The following RNF216 variants were observed in gnomAD, a reference collection of about 807,000 sequenced individuals.
RNF216 encodes ring finger protein 216, also known as E3 ubiquitin-protein ligase RNF216.
Under a neutral mutation model 110.8 loss-of-function variants are expected in RNF216, and 72 were observed. That is an observed-to-expected ratio of 0.65 (90% CI 0.54 to 0.79). The LOEUF (loss-of-function observed/expected upper bound fraction) is 0.79. Among genes scored for constraint, RNF216 ranks in the 30% least tolerant of loss-of-function variants. The probability of loss-of-function intolerance (pLI) is 0.00; values close to 1 mark genes in which losing one functional copy is unlikely to be tolerated. For missense variants in RNF216, 1,342 were observed against 1,141.2 expected (o/e 1.18, Z -2.54); for synonymous variants, 495 against 407.5 (o/e 1.21, Z -2.59).
chr7:5,652,339 C>A, intron 14 of RNF216, 74 bp downstream of exon 14: 2 of 1,053,030 alleles, frequency 1.9e-6, no homozygotes, highest in Non-Finnish European at 3.0e-6. Context: ...CAACAGTATG[C>A]CCTCTCTACC....
intron 13 of RNF216, chr7:5,666,539 C>T (rs1789537166): frequency 6.6e-6 from 1 of 152,220 alleles, no homozygotes; most frequent in African/African-American, 2.4e-5. Flanking sequence ...GGCCTGAGCC[C>T]AGAGTAAACA....
intron 3 of RNF216, among the ~76,000 whole-genome samples, chr7:5,749,977 T>C (rs1038140666): frequency 6.6e-6 from 1 of 152,210 alleles, no homozygotes; most frequent in Non-Finnish European, 1.5e-5. Context: ...TTATAGCTTA[T>C]AGCAATTTGG....
intron 15 of RNF216, among the ~76,000 whole-genome samples, chr7:5,632,291 C>A (rs952120758): frequency 6.6e-6 from 1 of 152,220 alleles, no homozygotes; most frequent in African/African-American, 2.4e-5. Flanking sequence ...AGTCTCTGTG[C>A]CTCATCCTTG....
intron 1 of RNF216, among the ~76,000 whole-genome samples, chr7:5,776,594 C>CAAACAAA (rs1796789795): frequency 1.6e-5 from 1 of 62,466 alleles, no homozygotes. Flanking sequence ...GACTCCGTCT[C>CAAACAAA]AAAAAAAAAA....
chr7:5,764,843 A>T (rs1056736261), intron 1 of RNF216, among the ~76,000 whole-genome samples: 1 of 151,848 alleles, frequency 6.6e-6, no homozygotes, highest in African/African-American at 2.4e-5. Flanking sequence ...AAAGCGGGAC[A>T]ATCACTGGAG....
intron 15 of RNF216, among the ~76,000 whole-genome samples, chr7:5,629,174 G>C (rs1452463756): frequency 1.4e-5 from 2 of 144,390 alleles, no homozygotes; most frequent in Non-Finnish European, 3.0e-5. Context: ...CAGCTTGGGT[G>C]ACAGAGCAAG....
chr7:5,762,979 AT>A (rs1250653440), intron 1 of RNF216, among the ~76,000 whole-genome samples: 2 of 152,228 alleles, frequency 1.3e-5, no homozygotes, highest in East Asian at 3.9e-4. Flanking sequence ...AAGCCAAGAC[AT>A]TACATCTCCA....
At chr7:5,678,961 A>C (rs1790483187) in intron 13 of RNF216, among the ~76,000 whole-genome samples, 1 of 152,234 alleles carries the variant, frequency 6.6e-6, no homozygotes, top group Non-Finnish European at 1.5e-5. Context: ...CAGGGACTAG[A>C]AATGGCCTCA....
At chr7:5,762,281 G>C (rs1446093356) in intron 1 of RNF216, among the ~76,000 whole-genome samples, 1 of 152,060 alleles carries the variant, frequency 6.6e-6, no homozygotes, top group Non-Finnish European at 1.5e-5. Flanking sequence ...CCAGCTCTTA[G>C]GGAGGCTGAG....
rs181414224 is a variant in RNF216, at chr7:5,621,816, G to A, written c.*1044C>T. The A allele has an allele frequency of 4.6e-5, 7 of 153,028 alleles. No individual in the cohort carries two copies. The highest frequency in any genetic ancestry group is 1.2e-4 in the African/African-American group (5 of 41,594). The allele number at this position is 153,028 out of a possible 1,614,324, so 9.5% of individuals were successfully genotyped here. Reference sequence around the variant, plus strand: ...CAGGGCCGGACAGGAGGCGAGGAGGGTGAGTGGGGACATGGCAGGGCTGAG... The same window carrying A: ...CAGGGCCGGACAGGAGGCGAGGAGGATGAGTGGGGACATGGCAGGGCTGAG... On this transcript the variant is annotated 3_prime_UTR_variant, in exon 17 of 17. Coordinates refer to ENST00000389902, the MANE Select transcript of RNF216 (RefSeq NM_207111.4).
intron 1 of RNF216, among the ~76,000 whole-genome samples, chr7:5,771,743 G>C (rs1049829146): frequency 6.6e-6 from 1 of 152,140 alleles, no homozygotes. Context: ...GTTGCAGTAG[G>C]CTGTGATCCC....
intron 3 of RNF216, among the ~76,000 whole-genome samples, chr7:5,751,624 G>A (rs1009736467): frequency 3.0e-4 from 46 of 152,140 alleles, no homozygotes; most frequent in African/African-American, 1.1e-3. Context: ...TAACTCATCA[G>A]TTATTTTTCT....
At chr7:5,776,993 AGAGC>A (rs957714791) in intron 1 of RNF216, among the ~76,000 whole-genome samples, 1 of 152,074 alleles carries the variant, frequency 6.6e-6, no homozygotes, top group African/African-American at 2.4e-5. Context: ...AGGAAGAGAA[AGAGC>A]GAGTGAGCAC....
In RNF216 at chr7:5,723,655, AAAAT is replaced by A. The variant is rs567630421; in HGVS notation, c.1504+1665_1504+1668del. Among the ~76,000 whole-genome samples the A allele has an allele frequency of 8.6e-5, 13 of 151,994 alleles. 1 individual carries two copies. Among genetic ancestry groups the A allele is most frequent in the Admixed American group, 2.6e-4 (4 of 15,256 alleles). On this transcript the variant is annotated intron_variant, in intron 8 of 16. Transcript: ENST00000389902. ...GAGCAAGACTCCGTCTCAAAAAAAA[AAAAT>A]AAATAAATAAATGCAATTAAGTCTA...
intron 1 of RNF216, among the ~76,000 whole-genome samples, chr7:5,773,150 T>C (rs898166596): frequency 2.6e-5 from 4 of 152,158 alleles, no homozygotes; most frequent in South Asian, 2.1e-4. Flanking sequence ...AATAATGATA[T>C]TGATGTTATT....
At chr7:5,685,545 C>A (rs181277611) in intron 13 of RNF216, among the ~76,000 whole-genome samples, 1 of 152,310 alleles carries the variant, frequency 6.6e-6, no homozygotes, top group African/African-American at 2.4e-5. Context: ...TACATCAAGG[C>A]AAATTCTATT....
chr7:5,770,180 G>C (rs1796423279), intron 1 of RNF216, among the ~76,000 whole-genome samples: 1 of 151,806 alleles, frequency 6.6e-6, no homozygotes, highest in Admixed American at 6.6e-5. Context: ...AGATTACTTG[G>C]GCTGGGCGCC....
intron 10 of RNF216, among the ~76,000 whole-genome samples, 180 bp downstream of exon 10, chr7:5,716,536 G>C (rs938186107): frequency 1.3e-5 from 2 of 151,826 alleles, no homozygotes; most frequent in African/African-American, 2.4e-5. Flanking sequence ...TTCTGATTCA[G>C]TGTGGTATAA....
intron 13 of RNF216, among the ~76,000 whole-genome samples, chr7:5,705,917 T>TAAAACAAAACAAAACAAAAC (rs55645443): frequency 1.4e-5 from 2 of 144,074 alleles, no homozygotes; most frequent in African/African-American, 5.2e-5. Context: ...CAACAAAAAC[T>TAAAACAAAACAAAACAAAAC]AAAACAAAAC....
Sources: gnomAD v4.1 joint callset for allele counts (sites outside exome capture counted in the v4.1 genomes callset) on GRCh38, gnomAD v4.1.1 for gene constraint, MANE v1.5 for transcripts, NCBI Gene and HGNC (gene_info 2026-07-23, HGNC 2026-07-21) for gene names.